Variants in CPA6 observed in about 807,000 individuals in gnomAD.
CPA6 encodes the protein carboxypeptidase B.
Under a neutral mutation model 63.3 loss-of-function variants are expected in CPA6, and 58 were observed. The ratio of observed to expected loss-of-function variants is 0.92; its 90% CI spans 0.74 to 1.14. CPA6 has a LOEUF of 1.14. CPA6 is among the 50% of genes most tolerant of loss of function. CPA6 has a pLI of 0.00. For synonymous variants in CPA6, 185 were observed against 179.0 expected (o/e 1.03, Z -0.27); for missense variants, 565 against 526.6 (o/e 1.07, Z -0.71).
At chr8:67,582,324 C>T (rs1471167470) in intron 2 of CPA6, among the ~76,000 whole-genome samples, 6 of 152,124 alleles carry the variant, frequency 3.9e-5, no homozygotes, top group African/African-American at 7.2e-5. Flanking sequence ...CATGGGAGCA[C>T]GTAGCCTATG....
chr8:67,490,971 T>C (rs1811590758), intron 6 of CPA6, among the ~76,000 whole-genome samples: 1 of 152,140 alleles, frequency 6.6e-6, no homozygotes, highest in Non-Finnish European at 1.5e-5. Flanking sequence ...TTAGAATCAC[T>C]GCAGAGGACC....
At chr8:67,618,428 A>T (rs1815006663) in intron 2 of CPA6, among the ~76,000 whole-genome samples, 2 of 152,172 alleles carry the variant, frequency 1.3e-5, no homozygotes. Flanking sequence ...ACAGCAGTCA[A>T]CTACAGCACA....
intron 2 of CPA6, among the ~76,000 whole-genome samples, chr8:67,622,055 G>A: frequency 6.6e-6 from 1 of 152,138 alleles, no homozygotes; most frequent in East Asian, 1.9e-4. Context: ...TTTGATAATG[G>A]TAAGTGATTA....
At chr8:67,679,124 A>G (rs1321609934) in intron 1 of CPA6, among the ~76,000 whole-genome samples, 1 of 152,226 alleles carries the variant, frequency 6.6e-6, no homozygotes, top group Non-Finnish European at 1.5e-5. Context: ...TTTGGTTATC[A>G]ATTACATGGT....
rs144040483 is a variant in CPA6 at position 67,489,951 on chromosome 8, C to G, written c.637-5162G>C. On this transcript the variant is annotated intron_variant, in intron 6 of 10. Coordinates refer to ENST00000297770, the MANE Select transcript of CPA6 (RefSeq NM_020361.5). ...TCTGGAAACAGTTTAATTTCCAAGA[C>G]TTGTCAGAACGTGTTCTTCCTCTGA... Among the ~76,000 whole-genome samples the G allele has an allele frequency of 2.8e-3, 423 of 152,298 alleles. 7 individuals carry two copies. Among genetic ancestry groups the G allele is most frequent in the African/African-American group, 9.3e-3 (388 of 41,576 alleles).
intron 6 of CPA6, among the ~76,000 whole-genome samples, chr8:67,488,484 C>T (rs900219656): frequency 6.6e-6 from 1 of 152,140 alleles, no homozygotes; most frequent in Non-Finnish European, 1.5e-5. Flanking sequence ...AGTCAGGTAG[C>T]CTGATGCCTC....
chr8:67,497,858 AT>A (rs1441443430), intron 6 of CPA6, among the ~76,000 whole-genome samples: 3 of 151,900 alleles, frequency 2.0e-5, no homozygotes, highest in Non-Finnish European at 4.4e-5. Flanking sequence ...TGGCCAGCTA[AT>A]TTTTGTATTT....
chr8:67,654,730 T>C (rs1474682916), intron 1 of CPA6, among the ~76,000 whole-genome samples: 2 of 152,168 alleles, frequency 1.3e-5, no homozygotes, highest in African/African-American at 4.8e-5. Flanking sequence ...GTAAAATCTC[T>C]GACAATGTCC....
At chr8:67,524,741 T>C (rs975680594) in intron 2 of CPA6, among the ~76,000 whole-genome samples, 11 of 152,082 alleles carry the variant, frequency 7.2e-5, no homozygotes, top group Admixed American at 5.2e-4. Flanking sequence ...TTTCCCCCAT[T>C]CTCTGTGACA....
At chr8:67,566,691 C>T (rs1813344627) in intron 2 of CPA6, among the ~76,000 whole-genome samples, 1 of 152,166 alleles carries the variant, frequency 6.6e-6, no homozygotes, top group Non-Finnish European at 1.5e-5. Flanking sequence ...GCATGCTGCA[C>T]CCTCACCACC....
At chr8:67,627,295 C>T (rs1815214165) in intron 1 of CPA6, among the ~76,000 whole-genome samples, 1 of 152,168 alleles carries the variant, frequency 6.6e-6, no homozygotes, top group African/African-American at 2.4e-5. Flanking sequence ...AATCTGATAG[C>T]TAGTGTTTTT....
At chr8:67,553,861 G>A (rs1813003238) in intron 2 of CPA6, among the ~76,000 whole-genome samples, 2 of 152,150 alleles carry the variant, frequency 1.3e-5, no homozygotes, top group South Asian at 4.1e-4. Flanking sequence ...TATTGCTGAA[G>A]GAACAATATA....
chr8:67,571,360 G>C (rs1247754571), intron 2 of CPA6, among the ~76,000 whole-genome samples: 1 of 152,152 alleles, frequency 6.6e-6, no homozygotes, highest in African/African-American at 2.4e-5. Context: ...GGAACTAACA[G>C]ACATATGCAG....
chr8:67,640,754 C>T (rs1390753025), intron 1 of CPA6, among the ~76,000 whole-genome samples: 4 of 151,502 alleles, frequency 2.6e-5, no homozygotes, highest in Non-Finnish European at 4.4e-5. Flanking sequence ...GTCCCCAGCT[C>T]CTGCCCACTC....
At chr8:67,737,581 G>T (rs1250511992) in intron 1 of CPA6, among the ~76,000 whole-genome samples, 2 of 152,132 alleles carry the variant, frequency 1.3e-5, no homozygotes, top group Non-Finnish European at 2.9e-5. Context: ...GGAGGCACAA[G>T]GATCCCAGGG....
chr8:67,699,191 GTGGATTACT>G (rs1278149259), intron 1 of CPA6, among the ~76,000 whole-genome samples: 3 of 152,224 alleles, frequency 2.0e-5, no homozygotes, highest in Non-Finnish European at 4.4e-5. Context: ...GCCGAGATGG[GTGGATTACT>G]TGACCTCAGG....
At chr8:67,587,934 A>G (rs549249661) in intron 2 of CPA6, among the ~76,000 whole-genome samples, 1 of 152,322 alleles carries the variant, frequency 6.6e-6, no homozygotes, top group Admixed American at 6.5e-5. Context: ...TGTTAATCGC[A>G]TAGCTAGTGC....
intron 2 of CPA6, among the ~76,000 whole-genome samples, chr8:67,592,620 G>A (rs1217924530): frequency 1.7e-4 from 26 of 152,056 alleles, no homozygotes; most frequent in Admixed American, 7.9e-4. Flanking sequence ...TCTTGGGAGA[G>A]TGTATGTGTC....
intron 1 of CPA6, among the ~76,000 whole-genome samples, chr8:67,655,981 G>A (rs1815975133): frequency 6.6e-6 from 1 of 152,084 alleles, no homozygotes. Context: ...AATACTTGGT[G>A]TTGCTATCAC....
Sources: gnomAD v4.1 joint callset for allele counts (sites outside exome capture counted in the v4.1 genomes callset) on GRCh38, gnomAD v4.1.1 for gene constraint, MANE v1.5 for transcripts, NCBI Gene and HGNC (gene_info 2026-07-23, HGNC 2026-07-21) for gene names.